Variants in RASAL1 observed in about 807,000 individuals in gnomAD.
RASAL1 encodes the protein rasGAP-activating-like protein 1.
Under a neutral mutation model 96.6 loss-of-function variants are expected in RASAL1, and 72 were observed. The observed-to-expected ratio is 0.75, with a 90% CI of 0.62 to 0.91. The LOEUF is 0.91. Among genes scored for constraint, RASAL1 ranks in the 40% least tolerant of loss-of-function variants. RASAL1 has a pLI of 0.00. For missense variants in RASAL1, 1,016 were observed against 1,072.5 expected (o/e 0.95, Z 0.74); for synonymous variants, 405 against 430.4 (o/e 0.94, Z 0.73).
rs1211890092 is a variant in RASAL1 at position 113,115,021 on chromosome 12, G to A, written c.1069-109C>T. ...AGGAAGAGGTTCAGAGAGAGGCCAG[G>A]GCTGGGGTAGGGGACACATCCAGGT... On this transcript the variant is annotated intron_variant, in intron 11 of 20. Coordinates refer to ENST00000548055, the MANE Select transcript of RASAL1 (RefSeq NM_001301202.2). This position sits in a 1 kb window ranked among gnomAD's most constrained non-coding sequence, Gnocchi z 4.1. 4.5e-6 allele frequency: 5 copies of A among 1,099,440 alleles called. No homozygotes were observed. In the South Asian group the frequency reaches 5.1e-5, roughly 11 times the overall value. The allele number at this position is 1,099,440 out of a possible 1,614,324, so 68.1% of individuals were successfully genotyped here. A position where few individuals can be genotyped will look rare whatever the true frequency, so the allele number is the denominator to read the frequency against.
intron 4 of RASAL1, among the ~76,000 whole-genome samples, chr12:113,126,739 A>G (rs1471029825): frequency 6.6e-6 from 1 of 151,200 alleles, no homozygotes; most frequent in Non-Finnish European, 1.5e-5. Flanking sequence ...AAAGGCATAG[A>G]CTCTGGAACT....
At chr12:113,136,699 A>G (rs899849834), upstream of RASAL1, among the ~76,000 whole-genome samples, 1 of 152,238 alleles carries the variant, frequency 6.6e-6, no homozygotes, top group African/African-American at 2.4e-5. Context: ...AAAGAATTAA[A>G]AGAGTTAATG....
chr12:113,108,242 G>A lies in RASAL1; in HGVS notation c.1375-20C>T. On this transcript the variant is annotated intron_variant, in intron 13 of 20. Coordinates refer to ENST00000548055, the MANE Select transcript of RASAL1 (RefSeq NM_001301202.2). ...CACATCCTGCTGGGAGGAGCAGAAG[G>A]TAAGAGGAGCCCCCCAAACCCACTT... 6.2e-7 allele frequency: 1 copy of A among 1,602,856 alleles called. No homozygotes were observed. The highest frequency in any genetic ancestry group is 1.1e-5 in the South Asian group (1 of 88,668).
At position 113,115,572 on chromosome 12, in the gene RASAL1, C is replaced by T; in HGVS notation, c.1003+63G>A. 3 of 1,579,692 alleles carry T rather than the reference C, an allele frequency of 1.9e-6. No individual in the cohort carries two copies. The highest frequency in any genetic ancestry group is 2.6e-6 in the Non-Finnish European group (3 of 1,162,236). On this transcript the variant is annotated intron_variant, in intron 10 of 20. Coordinates refer to ENST00000548055, the MANE Select transcript of RASAL1 (RefSeq NM_001301202.2). The surrounding 1 kb of genome is among the most constrained non-coding windows in gnomAD (Gnocchi z 4.1). ...GCCTGAGGCCTCCCCATTCCTCCCC[C>T]AGGACCCTCCTGCAAGCCCACCATT...
Position 113,130,468 on chromosome 12 carries a change from C to T in RASAL1, c.122+417G>A, listed in dbSNP as rs914048739. 4.6e-5 allele frequency among the ~76,000 whole-genome samples: 7 copies of T among 152,202 alleles called. No homozygotes were observed. Among genetic ancestry groups the T allele is most frequent in the Admixed American group, 4.6e-4 (7 of 15,290 alleles). ...CTCACACTAGCCCCGCAACATCCCC[C>T]ACCCCCTGCAACTCACAAGCAGGCC... is the stretch of plus-strand genomic sequence containing the variant. On this transcript the variant is annotated intron_variant, in intron 2 of 20. Transcript: ENST00000548055. The surrounding 1 kb of genome is among the most constrained non-coding windows in gnomAD (Gnocchi z 5.1).
Position 113,109,904 on chromosome 12 carries a change from A to G in RASAL1, c.1375-1682T>C, listed in dbSNP as rs115436611. On this transcript the variant is annotated intron_variant, in intron 13 of 20. Transcript: ENST00000548055. ...TTTGTTTCCTCCTTTTTGAAGGCAA[A>G]GAACCGGTGTCAGTGCAGCAGAGAA... Among the ~76,000 whole-genome samples the G allele has an allele frequency of 5.5e-3, 836 of 152,312 alleles. 15 individuals carry two copies. The highest frequency in any genetic ancestry group is 0.019 in the African/African-American group (801 of 41,568).
intron 12 of RASAL1, among the ~76,000 whole-genome samples, chr12:113,113,642 AG>A (rs886321170): frequency 6.6e-6 from 1 of 152,184 alleles, no homozygotes; most frequent in Non-Finnish European, 1.5e-5. Context: ...CATCAGTAAG[AG>A]GGGGTCATGA....
intron 14 of RASAL1, chr12:113,107,682 C>T: frequency 2.6e-6 from 1 of 386,682 alleles, no homozygotes; most frequent in Non-Finnish European, 5.0e-6. Context: ...TCTGTTTCCC[C>T]TTCCTCTTTT....
At position 113,135,432 on chromosome 12, in the gene RASAL1, C is replaced by A; in HGVS notation, c.31G>T (p.Val11Leu). 1 of 1,610,004 alleles carries A rather than the reference C, an allele frequency of 6.2e-7. No homozygotes were observed. Among genetic ancestry groups the A allele is most frequent in the East Asian group, 2.2e-5 (1 of 44,686 alleles). ...GCAGGCAGCGCGCGGCCCTCCACCA[C>A]GCGAACATTCAGGGAGCTGCTCTTG... MAKSSSLNVR[V>L]VEGRALPAKD... The change falls in exon 1 of 21, where the codon GTG (valine) becomes TTG (leucine). Residue 11 changes from valine to leucine, a missense_variant. Physicochemically the swap from Val to Leu is conservative, Grantham distance 32 (BLOSUM62 1). Transcript: ENST00000548055. This position sits in a 1 kb window ranked among gnomAD's most constrained non-coding sequence, Gnocchi z 5.7.
In RASAL1 at chr12:113,099,631, C is replaced by A; in HGVS notation, c.*298G>T. 3.6e-6 allele frequency: 1 copy of A among 278,866 alleles called. No homozygotes were observed. The highest frequency in any genetic ancestry group is 6.7e-6 in the Non-Finnish European group (1 of 150,056). The allele number at this position is 278,866 out of a possible 1,614,324, so 17.3% of individuals were successfully genotyped here. On this transcript the variant is annotated 3_prime_UTR_variant, in exon 21 of 21. Transcript: ENST00000548055. ...CTGGCCTCCTTGGTATGGATAGAGG[C>A]CAGTTTGGTGAAGTAGAGACCCCAG...
chr12:113,133,588 C>G (rs892463844), intron 1 of RASAL1, among the ~76,000 whole-genome samples: 5 of 152,200 alleles, frequency 3.3e-5, no homozygotes, highest in Admixed American at 2.0e-4. Context: ...GGACCCCCCT[C>G]AAACCTGGCA....
intron 5 of RASAL1, 35 bp downstream of exon 5, chr12:113,121,474 G>T (rs1459224552): frequency 6.2e-7 from 1 of 1,612,050 alleles, no homozygotes; most frequent in South Asian, 1.1e-5. Context: ...CTCATTCTCA[G>T]ACCACCCTCC....
chr12:113,121,536 C>A lies in RASAL1; in HGVS notation c.401G>T (p.Cys134Phe). ...GGCCTGAAGCACATGGCAGCGAAGG[C>A]AGCGGCCCTGCCCATCCTCCAGCAT... Reference protein sequence around the residue: ...VQMLEDGQGRCLRCHVLQARD... With the variant: ...VQMLEDGQGRFLRCHVLQARD... The change falls in exon 5 of 21, where the codon TGC (cysteine) becomes TTC (phenylalanine). Residue 134 changes from cysteine to phenylalanine, a missense_variant. By Grantham distance (205) the Cys-to-Phe change is radical (BLOSUM62 -2). Coordinates refer to ENST00000548055, the MANE Select transcript of RASAL1 (RefSeq NM_001301202.2). 1.9e-6 allele frequency: 3 copies of A among 1,614,208 alleles called. No individual in the cohort carries two copies. Among genetic ancestry groups the A allele is most frequent in the Non-Finnish European group, 2.5e-6 (3 of 1,180,040 alleles).
rs1267233748 is a variant in RASAL1 at position 113,115,870 on chromosome 12, G to C, written c.849+64C>G. 8.4e-7 allele frequency: 1 copy of C among 1,184,926 alleles called. No individual in the cohort carries two copies. Among genetic ancestry groups the C allele is most frequent in the African/African-American group, 1.4e-5 (1 of 70,604 alleles). 73.4% of individuals were successfully genotyped at this position (1,184,926 alleles called of 1,614,324 possible). ...GGCCTAGATAGGGCTCCGTGAGGCA[G>C]GGGGAGGCCAGGATCCAGACCCCCG... is the stretch of plus-strand genomic sequence containing the variant. On this transcript the variant is annotated intron_variant, in intron 9 of 20. Transcript: ENST00000548055. This position sits in a 1 kb window ranked among gnomAD's most constrained non-coding sequence, Gnocchi z 4.1.
chr12:113,121,099 G>C (rs1004380833), intron 5 of RASAL1, among the ~76,000 whole-genome samples: 6 of 152,210 alleles, frequency 3.9e-5, no homozygotes, highest in African/African-American at 1.4e-4. Flanking sequence ...ACAGAGACCA[G>C]CAGAGCTAAA....
At chr12:113,104,989 G>C (rs1950597073) in intron 16 of RASAL1, among the ~76,000 whole-genome samples, 1 of 152,268 alleles carries the variant, frequency 6.6e-6, no homozygotes, top group Non-Finnish European at 1.5e-5. Context: ...GGTGCAAGAG[G>C]ATAGATGACG....
At chr12:113,127,959 G>A in intron 3 of RASAL1, 86 bp from the exon 4 acceptor site, 1 of 1,567,206 alleles carries the variant, frequency 6.4e-7, no homozygotes, top group South Asian at 1.1e-5. Flanking sequence ...TCAAGGTCTG[G>A]GTGGGAGGGC....
chr12:113,127,469 G>C (rs974346938), intron 4 of RASAL1, among the ~76,000 whole-genome samples: 1 of 152,042 alleles, frequency 6.6e-6, no homozygotes, highest in African/African-American at 2.4e-5. Context: ...AACATAGCAA[G>C]ACTCCGTATC....
At chr12:113,133,558 G>T (rs997315876) in intron 1 of RASAL1, among the ~76,000 whole-genome samples, 3 of 152,126 alleles carry the variant, frequency 2.0e-5, no homozygotes, top group Non-Finnish European at 2.9e-5. Flanking sequence ...ACCTGAAGAG[G>T]CCTCCTCCCG....
Sources: gnomAD v4.1 joint callset for allele counts (sites outside exome capture counted in the v4.1 genomes callset) on GRCh38, gnomAD v4.1.1 for gene constraint, Gnocchi (gnomAD v3.1) non-coding constraint, MANE v1.5 for transcripts, NCBI Gene and HGNC (gene_info 2026-07-23, HGNC 2026-07-21) for gene names.